TMEM108: variants seen among roughly 807,000 people sequenced by gnomAD.
TMEM108 encodes cancer/testis antigen 124.
TMEM108 carries 12 observed loss-of-function variants against 35.1 expected under a neutral mutation model. That is an observed-to-expected ratio of 0.34 (90% CI 0.22 to 0.55). The LOEUF (loss-of-function observed/expected upper bound fraction) is 0.55. TMEM108 is among the 20% of genes least tolerant of loss of function. TMEM108 has a pLI of 0.89. For missense variants in TMEM108, 680 were observed against 753.3 expected (o/e 0.90, Z 1.14); for synonymous variants, 287 against 308.6 (o/e 0.93, Z 0.73).
At chr3:133,184,450 T>C (rs73860850) in intron 2 of TMEM108, among the ~76,000 whole-genome samples, 1,696 of 152,316 alleles carry the variant, frequency 0.011, 37 homozygotes, top group African/African-American at 0.039. Context: ...TTTTCTTTAC[T>C]GGGCAAAGAA....
rs76863503 is a variant in TMEM108 at position 133,325,510 on chromosome 3, A to G, written c.41-54242A>G. Among the ~76,000 whole-genome samples, 1,096 of 152,224 alleles carry G rather than the reference A, an allele frequency of 7.2e-3. 16 individuals carry two copies. The highest frequency in any genetic ancestry group is 0.025 in the African/African-American group (1,047 of 41,550). ...AATAAAAATTACTTAAGAGACAACA[A>G]ATATCAATATTTGCACCTTATTCAG... On this transcript the variant is annotated intron_variant, in intron 3 of 5. Coordinates refer to ENST00000321871, the MANE Select transcript of TMEM108 (RefSeq NM_023943.4).
chr3:133,138,533 A>G (rs919885352), intron 2 of TMEM108, among the ~76,000 whole-genome samples: 2 of 151,930 alleles, frequency 1.3e-5, no homozygotes, highest in Non-Finnish European at 2.9e-5. Context: ...CTCATCAGCT[A>G]TTGTTAGTGT....
chr3:133,219,477 A>G (rs925754196), intron 2 of TMEM108, among the ~76,000 whole-genome samples: 6 of 151,698 alleles, frequency 4.0e-5, no homozygotes, highest in African/African-American at 1.5e-4. Flanking sequence ...GTAGGCTTTT[A>G]TTGCTGTAAA....
intron 3 of TMEM108, among the ~76,000 whole-genome samples, chr3:133,320,058 A>G (rs2071246949): frequency 6.6e-6 from 1 of 152,232 alleles, no homozygotes; most frequent in East Asian, 1.9e-4. Flanking sequence ...ACTTGAGCCC[A>G]GGAGTTCAAG....
At chr3:133,340,216 AAAG>A (rs2107744014) in intron 3 of TMEM108, among the ~76,000 whole-genome samples, 1 of 151,814 alleles carries the variant, frequency 6.6e-6, no homozygotes, top group South Asian at 2.1e-4. Flanking sequence ...GCTAAGAAAA[AAAG>A]AAGACCCAAA....
intron 4 of TMEM108, among the ~76,000 whole-genome samples, chr3:133,385,508 C>A (rs1559946632): frequency 6.6e-6 from 1 of 152,212 alleles, no homozygotes. Flanking sequence ...CCTGAGGCCT[C>A]CCTGTGACCT....
rs1193773281 is a variant in TMEM108, at chr3:133,300,996, A to G, written c.40+71645A>G. 9.2e-3 allele frequency among the ~76,000 whole-genome samples: 560 copies of G among 60,898 alleles called. 18 individuals carry two copies. Among genetic ancestry groups the G allele is most frequent in the African/African-American group, 0.024 (520 of 21,568 alleles). 40.0% of individuals were successfully genotyped at this position (60,898 alleles called of 152,430 possible). A position where few individuals can be genotyped will look rare whatever the true frequency, so the allele number is the denominator to read the frequency against. ...CCAGTACACACACACACACACACAC[A>G]CACACACACACACACACACACACAC... On this transcript the variant is annotated intron_variant, in intron 3 of 5. Transcript: ENST00000321871.
At chr3:133,139,545 C>T (rs1350240712) in intron 2 of TMEM108, among the ~76,000 whole-genome samples, 1 of 152,168 alleles carries the variant, frequency 6.6e-6, no homozygotes, top group Non-Finnish European at 1.5e-5. Context: ...GTACTAGACA[C>T]CCAATGACTA....
At chr3:133,384,731 C>T (rs968427948) in intron 4 of TMEM108, among the ~76,000 whole-genome samples, 1 of 152,172 alleles carries the variant, frequency 6.6e-6, no homozygotes, top group Non-Finnish European at 1.5e-5. Context: ...CCATTGTCAG[C>T]GGTCTGAGTT....
At chr3:133,095,522 T>C (rs1002257858) in intron 2 of TMEM108, among the ~76,000 whole-genome samples, 2 of 152,132 alleles carry the variant, frequency 1.3e-5, no homozygotes, top group African/African-American at 2.4e-5. Flanking sequence ...TGAAATATTA[T>C]AGTTATATAA....
rs753455731 is a variant in TMEM108 at position 133,392,681 on chromosome 3, TC to T, written c.1605+2349del. Among the ~76,000 whole-genome samples the T allele has an allele frequency of 1.8e-3, 267 of 152,218 alleles. 2 individuals are homozygous for T. Among genetic ancestry groups the T allele is most frequent in the Non-Finnish European group, 2.9e-3 (194 of 68,020 alleles). ...CCAAAACCCAAACCTCACATGCAGCTCCTGATTACGTAGATGGTACTGCCAG... is the reference window on the plus strand; with the variant it reads ...CCAAAACCCAAACCTCACATGCAGCTCTGATTACGTAGATGGTACTGCCAG... On this transcript the variant is annotated intron_variant, in intron 5 of 5. Coordinates refer to ENST00000321871, the MANE Select transcript of TMEM108 (RefSeq NM_023943.4).
intron 2 of TMEM108, among the ~76,000 whole-genome samples, chr3:133,152,714 T>C (rs74988279): frequency 2.5e-4 from 38 of 152,254 alleles, no homozygotes; most frequent in Non-Finnish European, 4.4e-4. Context: ...TGGAAAAACA[T>C]GTTTAAGCTG....
chr3:133,201,674 C>A (rs1287715421), intron 2 of TMEM108, among the ~76,000 whole-genome samples: 1 of 152,116 alleles, frequency 6.6e-6, no homozygotes, highest in Non-Finnish European at 1.5e-5. Context: ...TGTATATGTG[C>A]CACATTTTCT....
rs1945604531 is a variant in TMEM108 at position 133,197,998 on chromosome 3, G to A, written c.-46-31268G>A. ...CTTTCATCTTTCTAATGACATGCAA[G>A]TATCTTCAAATGGTGGGATTAATGC... On this transcript the variant is annotated intron_variant, in intron 2 of 5. Transcript: ENST00000321871. 2.6e-5 allele frequency among the ~76,000 whole-genome samples: 4 copies of A among 152,150 alleles called. No homozygotes were observed. In the South Asian group the frequency reaches 8.3e-4, roughly 31 times the overall value.
chr3:133,329,627 A>ATCCTT (rs1230337504), intron 3 of TMEM108, among the ~76,000 whole-genome samples: 3 of 152,178 alleles, frequency 2.0e-5, no homozygotes, highest in Non-Finnish European at 4.4e-5. Flanking sequence ...GATTTTACTT[A>ATCCTT]TCCTTTCCTT....
At chr3:133,387,730 T>C in intron 4 of TMEM108, 1 of 726,960 alleles carries the variant, frequency 1.4e-6, no homozygotes, top group Non-Finnish European at 1.7e-6. Context: ...GGCAGATGTA[T>C]GACTGCATTT....
rs1440703816 is a variant in TMEM108 at position 133,346,530 on chromosome 3, AAG to A, written c.41-33216_41-33215del. Among the ~76,000 whole-genome samples the A allele has an allele frequency of 4.6e-5, 7 of 152,022 alleles. No homozygotes were observed. Among genetic ancestry groups the A allele is most frequent in the African/African-American group, 1.4e-4 (6 of 41,438 alleles). ...ATTGAATTTTCTTATATTAAATTTT[AAG>A]AGAGATTTGTATATTTTGGATTCAA... On this transcript the variant is annotated intron_variant, in intron 3 of 5. Coordinates refer to ENST00000321871, the MANE Select transcript of TMEM108 (RefSeq NM_023943.4). The surrounding 1 kb of genome is among the most constrained non-coding windows in gnomAD (Gnocchi z 4.0).
chr3:133,266,099 T>A (rs1283339413), intron 3 of TMEM108, among the ~76,000 whole-genome samples: 1 of 152,212 alleles, frequency 6.6e-6, no homozygotes, highest in Non-Finnish European at 1.5e-5. Flanking sequence ...TCTTAAAAAA[T>A]TAGTTCACTT....
chr3:133,054,268 T>G (rs545286316), intron 2 of TMEM108, among the ~76,000 whole-genome samples: 11 of 152,360 alleles, frequency 7.2e-5, no homozygotes, highest in Admixed American at 1.3e-4. Context: ...ATGAATCTGT[T>G]TTTTTGAGAA....
Sources: allele counts gnomAD v4.1 joint callset (sites outside exome capture counted in the v4.1 genomes callset), GRCh38; gene constraint gnomAD v4.1.1; non-coding constraint Gnocchi (gnomAD v3.1); transcripts MANE v1.5; gene names NCBI Gene and HGNC (gene_info 2026-07-23, HGNC 2026-07-21).